Variants in ZBTB20 observed in about 807,000 individuals in gnomAD.
ZBTB20 encodes the protein zinc finger and BTB domain-containing protein 20.
Under a neutral mutation model 56.9 loss-of-function variants are expected in ZBTB20, and 9 were observed. The observed-to-expected ratio is 0.16, with a 90% CI of 0.10 to 0.28. The LOEUF is 0.28. Among genes scored for constraint, ZBTB20 ranks in the 10% least tolerant of loss-of-function variants. ZBTB20 has a pLI of 1.00. For synonymous variants in ZBTB20, 417 were observed against 420.7 expected (o/e 0.99, Z 0.11); for missense variants, 655 against 1,003.0 (o/e 0.65, Z 4.69).
At chr3:114,834,862 AAT>A (rs1245067141) in intron 4 of ZBTB20, among the ~76,000 whole-genome samples, 5 of 152,154 alleles carry the variant, frequency 3.3e-5, no homozygotes, top group East Asian at 1.9e-4. Context: ...TTGGTATTAA[AAT>A]ATGTTATATT....
At chr3:114,349,203 A>C (rs1357797058) in intron 11 of ZBTB20, among the ~76,000 whole-genome samples, 3 of 25,402 alleles carry the variant, frequency 1.2e-4, no homozygotes, top group Non-Finnish European at 2.6e-4. Context: ...CTGTCTCAAA[A>C]AAAAAAAAAA....
chr3:114,619,951 T>C (rs754814797), intron 6 of ZBTB20, among the ~76,000 whole-genome samples: 1 of 152,114 alleles, frequency 6.6e-6, no homozygotes, highest in Non-Finnish European at 1.5e-5. Context: ...CCTCCACGGA[T>C]GTGGAAGTTT....
At chr3:115,070,199 C>T (rs1285588581) in intron 2 of ZBTB20, among the ~76,000 whole-genome samples, 4 of 152,090 alleles carry the variant, frequency 2.6e-5, no homozygotes, top group South Asian at 2.1e-4. Context: ...TCACCCCTAC[C>T]TCAGGCAATC....
At chr3:114,705,366 T>C (rs866871660) in intron 5 of ZBTB20, among the ~76,000 whole-genome samples, 2 of 152,198 alleles carry the variant, frequency 1.3e-5, no homozygotes, top group Admixed American at 6.5e-5. Flanking sequence ...AACTGAAATA[T>C]GCAAAATTCC....
chr3:115,144,998 T>C (rs1425536585), intron 1 of ZBTB20: 1 of 152,216 alleles, frequency 6.6e-6, no homozygotes, highest in African/African-American at 2.4e-5. Flanking sequence ...TTCTCACCTG[T>C]TTACTTCAAC....
chr3:114,867,580 C>T (rs1383548072), intron 4 of ZBTB20, among the ~76,000 whole-genome samples: 4 of 152,028 alleles, frequency 2.6e-5, no homozygotes, highest in Non-Finnish European at 5.9e-5. Context: ...GGGTTACAGA[C>T]GCACCCCACC....
At chr3:114,837,995 G>T (rs370136836) in intron 4 of ZBTB20, among the ~76,000 whole-genome samples, 2 of 152,182 alleles carry the variant, frequency 1.3e-5, no homozygotes, top group South Asian at 2.1e-4. Context: ...TCTCACTCAA[G>T]TAGTGACATT....
chr3:115,072,750 C>T (rs2082454926), intron 1 of ZBTB20, among the ~76,000 whole-genome samples: 1 of 152,186 alleles, frequency 6.6e-6, no homozygotes, highest in African/African-American at 2.4e-5. Flanking sequence ...CCAAAAAGCT[C>T]ACCTTCCTCT....
At chr3:115,088,579 T>C (rs115271153) in intron 1 of ZBTB20, among the ~76,000 whole-genome samples, 2,979 of 151,976 alleles carry the variant, frequency 0.02, 39 homozygotes, top group South Asian at 0.032. Context: ...TTTTACTGCA[T>C]ATCAATAATT....
rs1424851863 is a variant in ZBTB20, at chr3:114,983,592, A to G, written c.-506-9176T>C. On this transcript the variant is annotated intron_variant, in intron 2 of 11. Transcript: ENST00000675478. ...CTGATCCAAGCAAGTCAAAAAAGGA[A>G]AGAAGTTTGTGTGTAACTTTTGGCT... 2.0e-5 allele frequency among the ~76,000 whole-genome samples: 3 copies of G among 151,998 alleles called. No homozygotes were observed. The East Asian group carries it at 5.8e-4, about 29-fold the overall frequency.
At position 114,329,820 on chromosome 3, in the gene ZBTB20, T is replaced by C. The variant is rs1039989668; in HGVS notation, c.*9185A>G. 1 of 151,380 alleles carries C rather than the reference T, an allele frequency of 6.6e-6. No homozygotes were observed. Among genetic ancestry groups the C allele is most frequent in the African/African-American group, 2.4e-5 (1 of 41,164 alleles). 9.4% of individuals were successfully genotyped at this position (151,380 alleles called of 1,614,324 possible). On this transcript the variant is annotated 3_prime_UTR_variant, in exon 12 of 12. Coordinates refer to ENST00000675478, the MANE Select transcript of ZBTB20 (RefSeq NM_001348800.3). ...ACTAGTTAAAATAATTCTAAGCGTA[T>C]TGAAAAAAGAAAGTGTAAAGATCCA...
chr3:114,693,081 G>C (rs912978141), intron 6 of ZBTB20, among the ~76,000 whole-genome samples: 1 of 152,086 alleles, frequency 6.6e-6, no homozygotes, highest in South Asian at 2.1e-4. Context: ...TGTGTTTGGA[G>C]GGTTTTGAGT....
At chr3:114,881,928 T>G (rs2076414336) in intron 4 of ZBTB20, among the ~76,000 whole-genome samples, 1 of 151,914 alleles carries the variant, frequency 6.6e-6, no homozygotes, top group African/African-American at 2.4e-5. Flanking sequence ...CTGAGTAATT[T>G]TTCTGGTGTA....
At chr3:115,123,285 A>G (rs1182698467) in intron 1 of ZBTB20, among the ~76,000 whole-genome samples, 1 of 152,006 alleles carries the variant, frequency 6.6e-6, no homozygotes, top group Non-Finnish European at 1.5e-5. Context: ...TCCCTATACC[A>G]TTTTCCCTTC....
intron 2 of ZBTB20, among the ~76,000 whole-genome samples, chr3:114,977,691 A>C (rs2078159594): frequency 6.6e-6 from 1 of 152,206 alleles, no homozygotes; most frequent in African/African-American, 2.4e-5. Flanking sequence ...AGGACCTCTA[A>C]GAAAATACAT....
intron 5 of ZBTB20, among the ~76,000 whole-genome samples, chr3:114,711,019 T>G (rs965551365): frequency 6.6e-6 from 1 of 152,186 alleles, no homozygotes; most frequent in African/African-American, 2.4e-5. Context: ...TTCCTGCTGG[T>G]CACCACATGC....
At chr3:114,402,497 T>C (rs1390213025) in intron 7 of ZBTB20, among the ~76,000 whole-genome samples, 3 of 152,146 alleles carry the variant, frequency 2.0e-5, no homozygotes, top group Admixed American at 2.0e-4. Flanking sequence ...TGTTCTCTAA[T>C]GGTCTTTGCT....
chr3:114,779,649 C>T (rs1017458581), intron 5 of ZBTB20, among the ~76,000 whole-genome samples: 4 of 152,166 alleles, frequency 2.6e-5, no homozygotes, highest in Non-Finnish European at 5.9e-5. Flanking sequence ...ATAATCTGTA[C>T]TGTGCTATAA....
intron 1 of ZBTB20, among the ~76,000 whole-genome samples, chr3:115,088,397 G>T (rs1005923987): frequency 6.6e-6 from 1 of 151,630 alleles, no homozygotes; most frequent in Non-Finnish European, 1.5e-5. Context: ...CCATAACCCT[G>T]GTTAGAGATT....
Sources: gnomAD v4.1 joint callset for allele counts (sites outside exome capture counted in the v4.1 genomes callset) on GRCh38, gnomAD v4.1.1 for gene constraint, MANE v1.5 for transcripts, NCBI Gene and HGNC (gene_info 2026-07-23, HGNC 2026-07-21) for gene names.